The following TDRD7 variants were observed in gnomAD, a reference collection of about 807,000 sequenced individuals.
TDRD7 encodes tudor domain containing 7.
Under a neutral mutation model 109.8 loss-of-function variants are expected in TDRD7, and 47 were observed. That is an observed-to-expected ratio of 0.43 (90% confidence interval 0.34 to 0.55). The LOEUF (loss-of-function observed/expected upper bound fraction) is 0.55, where lower values mean the gene tolerates loss of function less well. Among genes scored for constraint, TDRD7 ranks in the 20% least tolerant of loss-of-function variants. The pLI is 0.03. For synonymous variants in TDRD7, 424 were observed against 457.3 expected (o/e 0.93, Z 0.93); for missense variants, 1,164 against 1,319.2 (o/e 0.88, Z 1.82).
chr9:97,446,667 A>G (rs1828406240), intron 6 of TDRD7, among the ~76,000 whole-genome samples: 1 of 152,190 alleles, frequency 6.6e-6, no homozygotes, highest in Non-Finnish European at 1.5e-5. Flanking sequence ...CTCTAATATC[A>G]AAGGAGGCAA....
intron 13 of TDRD7, 23 bp from the exon 14 acceptor site, chr9:97,480,805 T>C: frequency 1.3e-6 from 2 of 1,590,570 alleles, no homozygotes; most frequent in Non-Finnish European, 1.7e-6. Flanking sequence ...TGTGTTCACT[T>C]TTCCATCATA....
rs148651005 is a variant in TDRD7 at position 97,457,338 on chromosome 9, T to C, written c.856-2840T>C. Among the ~76,000 whole-genome samples the C allele has an allele frequency of 9.2e-5, 14 of 152,170 alleles. No homozygotes were observed. The East Asian group carries it at 2.7e-3, about 29-fold the overall frequency. ...TACTGGCTATGTACCCAAAGGAATA[T>C]AAATCATTCTACTATAAAGACACAC... is the stretch of plus-strand genomic sequence containing the variant. On this transcript the variant is annotated intron_variant, in intron 6 of 16. Transcript: ENST00000355295.
chr9:97,428,731 C>T, intron 2 of TDRD7, 59 bp downstream of exon 2: 3 of 1,483,562 alleles, frequency 2.0e-6, no homozygotes, highest in South Asian at 2.3e-5. Flanking sequence ...GCCTCTCTGG[C>T]ACTTCCAATC....
intron 8 of TDRD7, 55 bp downstream of exon 8, chr9:97,465,083 C>A: frequency 1.3e-6 from 2 of 1,548,946 alleles, no homozygotes; most frequent in Non-Finnish European, 8.7e-7. Context: ...TTATTATTTT[C>A]CAAATGTAAA....
chr9:97,453,318 A>G (rs1278411278), intron 6 of TDRD7, among the ~76,000 whole-genome samples: 2 of 152,058 alleles, frequency 1.3e-5, no homozygotes, highest in South Asian at 2.1e-4. Flanking sequence ...ATTTTGGTCA[A>G]TGATGGACTG....
At chr9:97,436,997 C>T (rs1328947559) in intron 4 of TDRD7, among the ~76,000 whole-genome samples, 2 of 152,160 alleles carry the variant, frequency 1.3e-5, no homozygotes, top group Non-Finnish European at 2.9e-5. Context: ...TCCTCTATCT[C>T]CTAATTTGGT....
intron 3 of TDRD7, among the ~76,000 whole-genome samples, chr9:97,431,735 T>C (rs1013438587): frequency 2.6e-5 from 4 of 152,158 alleles, no homozygotes; most frequent in African/African-American, 7.2e-5. Flanking sequence ...GACCAAGATA[T>C]AGCTGAGTGT....
chr9:97,456,618 A>G (rs943180027), intron 6 of TDRD7, among the ~76,000 whole-genome samples: 1 of 152,258 alleles, frequency 6.6e-6, no homozygotes, highest in Non-Finnish European at 1.5e-5. Context: ...CTGGCTAGCC[A>G]TATTCAGAAA....
At chr9:97,452,195 C>T (rs1187334963) in intron 6 of TDRD7, among the ~76,000 whole-genome samples, 4 of 151,896 alleles carry the variant, frequency 2.6e-5, no homozygotes, top group South Asian at 4.1e-4. Flanking sequence ...GCCTGGGCAA[C>T]GGAACAAGTC....
At chr9:97,447,111 G>A (rs1828414680) in intron 6 of TDRD7, among the ~76,000 whole-genome samples, 1 of 152,140 alleles carries the variant, frequency 6.6e-6, no homozygotes. Context: ...GAACGTCTGA[G>A]TAGAAAAAAG....
intron 7 of TDRD7, 21 bp from the exon 8 acceptor site, chr9:97,464,821 C>T: frequency 6.2e-7 from 1 of 1,613,892 alleles, no homozygotes; most frequent in South Asian, 1.1e-5. Context: ...CATTTGCATT[C>T]TCTTCTTTTA....
chr9:97,483,308 G>A lies in TDRD7; in HGVS notation c.2872G>A (p.Ala958Thr), dbSNP rs751158396. 1.7e-5 allele frequency: 28 copies of A among 1,614,040 alleles called. No homozygotes were observed. In the East Asian group the frequency reaches 5.1e-4, roughly 30 times the overall value. The change falls in exon 15 of 17, where the codon GCA (alanine) becomes ACA (threonine). Residue 958 changes from alanine to threonine, a missense_variant. Physicochemically the swap from Ala to Thr is moderately conservative, Grantham distance 58 (BLOSUM62 0). This residue lies in a region of TDRD7 where 162 missense variants were observed against 222.5 expected (regional missense o/e 0.73). Transcript: ENST00000355295. Reference protein sequence around the residue: ...YYSVSEERHIAVEKDQVYAAK... With the variant: ...YYSVSEERHITVEKDQVYAAK... ...CAGCGTGTCTGAAGAGCGCCACATAGCAGTGGAGAAAGACCAAGTGTATGC... is the reference window on the plus strand; with the variant it reads ...CAGCGTGTCTGAAGAGCGCCACATAACAGTGGAGAAAGACCAAGTGTATGC...
intron 16 of TDRD7, among the ~76,000 whole-genome samples, chr9:97,489,360 C>T (rs994109472): frequency 3.3e-5 from 5 of 152,004 alleles, no homozygotes; most frequent in African/African-American, 7.3e-5. Context: ...ATTAGTATGT[C>T]GTCTTGGAGA....
chr9:97,453,244 C>T (rs1470505979), intron 6 of TDRD7, among the ~76,000 whole-genome samples: 1 of 152,092 alleles, frequency 6.6e-6, no homozygotes, highest in African/African-American at 2.4e-5. Flanking sequence ...ACAGGCTCAT[C>T]TGGGTTTGGC....
At chr9:97,470,719 A>T (rs1171577296) in intron 9 of TDRD7, 50 bp downstream of exon 9, 3 of 1,383,060 alleles carry the variant, frequency 2.2e-6, no homozygotes, top group Non-Finnish European at 3.1e-6. Context: ...GGCTATTACC[A>T]CTGTACATTT....
chr9:97,493,164 G>A (rs34037732), intron 16 of TDRD7, among the ~76,000 whole-genome samples: 69,488 of 151,922 alleles, frequency 0.46, 15,970 homozygotes, highest in Admixed American at 0.52. Context: ...ATCACTGGAT[G>A]CCCACCCTTT....
chr9:97,418,504 G>A (rs1285098240), intron 1 of TDRD7, among the ~76,000 whole-genome samples: 1 of 151,910 alleles, frequency 6.6e-6, no homozygotes, highest in South Asian at 2.1e-4. Context: ...TCATGGGTGG[G>A]GACAAGAGGA....
Position 97,480,614 on chromosome 9 carries a change from T to G in TDRD7, c.2302-214T>G, listed in dbSNP as rs945159224. On this transcript the variant is annotated intron_variant, in intron 13 of 16. Transcript: ENST00000355295. ...TATATGGAGTGCTGGGGGTAAGCCCTGGCTCATAAAGGAGTAAAGACAATA... is the reference window on the plus strand; with the variant it reads ...TATATGGAGTGCTGGGGGTAAGCCCGGGCTCATAAAGGAGTAAAGACAATA... The G allele has an allele frequency of 9.0e-6, 5 of 553,566 alleles. No homozygotes were observed. The Admixed American group carries it at 1.2e-4, about 13-fold the overall frequency. 34.3% of individuals were successfully genotyped at this position (553,566 alleles called of 1,614,324 possible). A position where few individuals can be genotyped will look rare whatever the true frequency, so the allele number is the denominator to read the frequency against.
chr9:97,475,572 T>G, intron 12 of TDRD7, 103 bp downstream of exon 12: 1 of 837,960 alleles, frequency 1.2e-6, no homozygotes, highest in Non-Finnish European at 2.0e-6. Flanking sequence ...CACAGACTCA[T>G]CATCAGTTTA....
Sources: allele counts gnomAD v4.1 joint callset (sites outside exome capture counted in the v4.1 genomes callset), GRCh38; gene constraint gnomAD v4.1.1; regional missense constraint gnomAD v4.1.1; transcripts MANE v1.5; gene names NCBI Gene and HGNC (gene_info 2026-07-23, HGNC 2026-07-21).